The following PCDHA3 variants were observed in gnomAD, a reference collection of about 807,000 sequenced individuals.
The protein encoded by PCDHA3 is protocadherin alpha 3.
In PCDHA3, 41 loss-of-function variants were observed where a neutral mutation model predicts 62.2. The observed-to-expected ratio is 0.66, with a 90% CI of 0.51 to 0.86. PCDHA3 has a LOEUF of 0.86. Among genes scored for constraint, PCDHA3 ranks in the 40% least tolerant of loss-of-function variants. The probability of loss-of-function intolerance (pLI) is 0.00; values close to 1 mark genes in which losing one functional copy is unlikely to be tolerated. For synonymous variants in PCDHA3, 640 were observed against 555.4 expected (o/e 1.15, Z -2.14); for missense variants, 1,304 against 1,241.2 (o/e 1.05, Z -0.76).
At chr5:140,868,689 T>A (rs951881699) in intron 1 of PCDHA3, 4 of 174,918 alleles carry the variant, frequency 2.3e-5, no homozygotes, top group Admixed American at 2.1e-4. Flanking sequence ...GTTATAATGT[T>A]AAGTCAAACA....
In PCDHA3 at chr5:140,849,449, C is replaced by T. The variant is rs200997092; in HGVS notation, c.2394+45858C>T. 81 of 1,586,124 alleles carry T rather than the reference C, an allele frequency of 5.1e-5. 9 individuals carry two copies. The highest frequency in any genetic ancestry group is 3.8e-4 in the Middle Eastern group (2 of 5,312). On this transcript the variant is annotated intron_variant, in intron 1 of 3. Coordinates refer to ENST00000522353, the MANE Select transcript of PCDHA3 (RefSeq NM_018906.3). ...TTGAAGAAAGTAGAGCACACAAGAT[C>T]CCAGTCGAGGCTGTCGATAAAGGCT...
chr5:140,963,932 A>C (rs564788639), intron 1 of PCDHA3, among the ~76,000 whole-genome samples: 74 of 152,352 alleles, frequency 4.9e-4, no homozygotes, highest in African/African-American at 1.6e-3. Context: ...ACATGTCCAT[A>C]GCCAAACAGT....
intron 1 of PCDHA3, chr5:140,928,237 C>T: frequency 6.2e-7 from 1 of 1,614,228 alleles, no homozygotes; most frequent in Non-Finnish European, 8.5e-7. Context: ...TCCTCAACCC[C>T]AGCAGGAACT....
intron 1 of PCDHA3, among the ~76,000 whole-genome samples, chr5:140,948,492 A>G (rs915795889): frequency 4.0e-5 from 6 of 151,594 alleles, no homozygotes; most frequent in Non-Finnish European, 8.9e-5. Flanking sequence ...AATTTCTTTC[A>G]TAGACTTTCT....
intron 1 of PCDHA3, chr5:140,882,791 A>G (rs1554175610): frequency 6.2e-7 from 1 of 1,614,254 alleles, no homozygotes; most frequent in South Asian, 1.1e-5. Context: ...ACTGGATCCC[A>G]ACGATTATTT....
chr5:141,008,199 T>G (rs966441661), intron 3 of PCDHA3, among the ~76,000 whole-genome samples: 3 of 152,338 alleles, frequency 2.0e-5, no homozygotes, highest in Admixed American at 2.0e-4. Flanking sequence ...AGTAATATAA[T>G]GAACTTGACA....
intron 3 of PCDHA3, among the ~76,000 whole-genome samples, chr5:141,001,524 C>T (rs952372807): frequency 6.6e-6 from 1 of 152,202 alleles, no homozygotes; most frequent in Non-Finnish European, 1.5e-5. Context: ...CTCCCTCTCT[C>T]TCTGATCCTG....
rs782580460 is a variant in PCDHA3, at chr5:140,875,923, C to T, written c.2394+72332C>T. 1.2e-5 allele frequency: 20 copies of T among 1,614,184 alleles called. 1 individual carries two copies. The South Asian group carries it at 2.1e-4, about 17-fold the overall frequency. On this transcript the variant is annotated intron_variant, in intron 1 of 3. Coordinates refer to ENST00000522353, the MANE Select transcript of PCDHA3 (RefSeq NM_018906.3). ...TTCTGAATCTGCGCCTCTGGACTCT[C>T]ATTTTCCTCTAGAGGGCGCTTCTGA...
intron 1 of PCDHA3, chr5:140,870,542 A>T (rs781984897): frequency 1.2e-6 from 2 of 1,614,132 alleles, no homozygotes; most frequent in Non-Finnish European, 1.7e-6. Context: ...TCGGCGCGGG[A>T]CGCGGACGCG....
chr5:140,929,291 A>G (rs782335969), intron 1 of PCDHA3: 19 of 1,596,972 alleles, frequency 1.2e-5, no homozygotes, highest in Non-Finnish European at 1.6e-5. Flanking sequence ...CAGATTCGGA[A>G]TAGGAAAGGG....
At chr5:140,977,126 T>C (rs782356713) in intron 1 of PCDHA3, among the ~76,000 whole-genome samples, 27 of 152,240 alleles carry the variant, frequency 1.8e-4, no homozygotes, top group Admixed American at 4.6e-4. Context: ...GAACTGAGTT[T>C]CCTGGTCAGT....
intron 3 of PCDHA3, among the ~76,000 whole-genome samples, chr5:141,000,640 C>G (rs2097954123): frequency 6.6e-6 from 1 of 151,256 alleles, no homozygotes; most frequent in South Asian, 2.1e-4. Flanking sequence ...GTTGGGCAGG[C>G]TGGTCTCGAA....
intron 1 of PCDHA3, chr5:140,884,514 CG>C (rs1244903550): frequency 5.0e-6 from 8 of 1,614,058 alleles, no homozygotes; most frequent in Middle Eastern, 1.6e-4. Flanking sequence ...GGGAGTTGGT[CG>C]TACTCGCAGC....
chr5:140,914,816 A>T (rs2076855290), intron 1 of PCDHA3, among the ~76,000 whole-genome samples: 1 of 152,208 alleles, frequency 6.6e-6, no homozygotes, highest in African/African-American at 2.4e-5. Context: ...AACTTAACAG[A>T]CTGCATAAAC....
chr5:140,857,036 G>T (rs1174179572), intron 1 of PCDHA3: 1 of 1,596,046 alleles, frequency 6.3e-7, no homozygotes, highest in Non-Finnish European at 8.6e-7. Context: ...CCCACCTATG[G>T]TTGGTCACTG....
intron 3 of PCDHA3, chr5:140,988,966 GGA>G (rs1339632887): frequency 2.0e-5 from 3 of 152,162 alleles, no homozygotes; most frequent in African/African-American, 7.2e-5. Flanking sequence ...GCCCCACGAT[GGA>G]GAGAAGCAGG....
intron 3 of PCDHA3, among the ~76,000 whole-genome samples, chr5:140,995,046 A>C (rs193191582): frequency 1.9e-4 from 29 of 152,184 alleles, no homozygotes; most frequent in Non-Finnish European, 3.7e-4. Context: ...CCTTAACTCT[A>C]CTGAATTTTC....
At chr5:140,835,399 A>T (rs1562344982) in intron 1 of PCDHA3, 1 of 1,613,824 alleles carries the variant, frequency 6.2e-7, no homozygotes, top group Non-Finnish European at 8.5e-7. Context: ...GTTCTTGTGG[A>T]AGTTGTGGAT....
Position 140,850,429 on chromosome 5 carries a change from A to T in PCDHA3, c.2394+46838A>T. The T allele has an allele frequency of 1.3e-6, 2 of 1,597,934 alleles. 1 individual carries two copies. Among genetic ancestry groups the T allele is most frequent in the Middle Eastern group, 3.3e-4 (2 of 5,994 alleles). ...CTGGACGAAACGGACGCACCGCGCC[A>T]GCGCCTACTGGTGCTGGTGAAAGAC... On this transcript the variant is annotated intron_variant, in intron 1 of 3. Coordinates refer to ENST00000522353, the MANE Select transcript of PCDHA3 (RefSeq NM_018906.3).
Sources: allele counts gnomAD v4.1 joint callset (sites outside exome capture counted in the v4.1 genomes callset), GRCh38; gene constraint gnomAD v4.1.1; transcripts MANE v1.5; gene names NCBI Gene and HGNC (gene_info 2026-07-23, HGNC 2026-07-21).